Variants in TTBK2 observed in about 807,000 individuals in gnomAD.
The protein encoded by TTBK2 is tau-tubulin kinase 2.
TTBK2 carries 28 observed loss-of-function variants against 110.8 expected under a neutral mutation model. The ratio of observed to expected loss-of-function variants is 0.25; its 90% CI spans 0.19 to 0.35. TTBK2 has a LOEUF of 0.35. Ranked by LOEUF, TTBK2 falls within the 10% of genes least tolerant of loss-of-function variation. The probability of loss-of-function intolerance (pLI) is 1.00; values close to 1 mark genes in which losing one functional copy is unlikely to be tolerated. For missense variants in TTBK2, 1,369 were observed against 1,500.3 expected (o/e 0.91, Z 1.45); for synonymous variants, 532 against 527.3 (o/e 1.01, Z -0.12).
intron 12 of TTBK2, 135 bp from the exon 13 acceptor site, chr15:42,775,858 C>A: frequency 1.5e-6 from 1 of 686,554 alleles, no homozygotes. Context: ...GAAAGTTTCA[C>A]AGCATTGATA....
chr15:42,761,950 TTCTC>T (rs947001519), intron 13 of TTBK2, among the ~76,000 whole-genome samples: 6 of 152,192 alleles, frequency 3.9e-5, no homozygotes, highest in African/African-American at 1.4e-4. Flanking sequence ...GGGCAGGTCT[TTCTC>T]ATGCTGTTCT....
intron 13 of TTBK2, among the ~76,000 whole-genome samples, chr15:42,759,723 C>T (rs1003745650): frequency 6.6e-6 from 1 of 152,154 alleles, no homozygotes; most frequent in African/African-American, 2.4e-5. Flanking sequence ...AGCATCAAAG[C>T]AAAGGCACCA....
intron 11 of TTBK2, among the ~76,000 whole-genome samples, chr15:42,779,586 C>T (rs931030875): frequency 1.3e-5 from 2 of 152,026 alleles, no homozygotes; most frequent in African/African-American, 2.4e-5. Context: ...GAAATATTTC[C>T]GGAAGAAAGA....
intron 3 of TTBK2, among the ~76,000 whole-genome samples, chr15:42,871,008 A>G (rs1894594703): frequency 6.6e-6 from 1 of 152,174 alleles, no homozygotes; most frequent in South Asian, 2.1e-4. Context: ...AGAAGTCATT[A>G]GGCCAACATG....
chr15:42,843,301 C>T (rs754564670), intron 3 of TTBK2, among the ~76,000 whole-genome samples: 6 of 152,180 alleles, frequency 3.9e-5, no homozygotes, highest in South Asian at 2.1e-4. Context: ...CACTCTCTGG[C>T]GACAGAAACT....
rs562644902 is a variant in TTBK2, at chr15:42,746,202, G to A, written c.3328C>T (p.Arg1110Cys). ...CCATTTTGAAGAATTTGGGCCAGGCGGGAGAAAAGGTCTGAGTCGGAGTTA... is the reference window on the plus strand; with the variant it reads ...CCATTTTGAAGAATTTGGGCCAGGCAGGAGAAAAGGTCTGAGTCGGAGTTA... Reference protein sequence around the residue: ...SSNSDSDLFSRLAQILQNGSQ... With the variant: ...SSNSDSDLFSCLAQILQNGSQ... Residue 1110 changes from arginine to cysteine, a missense_variant, in exon 15 of 15, where the codon CGC (arginine) becomes TGC (cysteine). Around this residue, in one of 4 missense-constraint regions of TTBK2, gnomAD observed 1,097 missense variants for 1,114.7 expected, o/e 0.98. Transcript: ENST00000267890. The A allele has an allele frequency of 3.9e-5, 63 of 1,614,056 alleles. 1 individual carries two copies. The South Asian group carries it at 6.0e-4, about 15-fold the overall frequency.
chr15:42,815,786 G>C (rs1407956190), intron 7 of TTBK2, among the ~76,000 whole-genome samples: 1 of 147,582 alleles, frequency 6.8e-6, no homozygotes, highest in African/African-American at 2.5e-5. Flanking sequence ...ATTAGGTATT[G>C]ATAGTATTAT....
chr15:42,761,646 A>G (rs2062028861), intron 13 of TTBK2, among the ~76,000 whole-genome samples: 1 of 152,172 alleles, frequency 6.6e-6, no homozygotes, highest in Non-Finnish European at 1.5e-5. Flanking sequence ...CTACACAGAC[A>G]TTTCTCAAAA....
intron 11 of TTBK2, among the ~76,000 whole-genome samples, chr15:42,779,095 A>G (rs1335026993): frequency 6.6e-6 from 1 of 152,242 alleles, no homozygotes; most frequent in Non-Finnish European, 1.5e-5. Context: ...AAGCCAGAGG[A>G]AAAATAACTA....
intron 13 of TTBK2, among the ~76,000 whole-genome samples, chr15:42,771,506 G>A (rs1269766353): frequency 6.6e-6 from 1 of 152,098 alleles, no homozygotes; most frequent in East Asian, 1.9e-4. Context: ...TATCCCTGAA[G>A]TATAGCGTAA....
intron 1 of TTBK2, among the ~76,000 whole-genome samples, chr15:42,895,518 T>C (rs1596033804): frequency 6.6e-6 from 1 of 151,400 alleles, no homozygotes; most frequent in Admixed American, 6.6e-5. Context: ...AGAAAAAAAA[T>C]AGAATGTATA....
intron 12 of TTBK2, 136 bp downstream of exon 12, chr15:42,776,893 ACT>A: frequency 1.3e-6 from 1 of 795,562 alleles, no homozygotes; most frequent in South Asian, 1.7e-5. Flanking sequence ...AGCTGAATAG[ACT>A]CAGTGTTACA....
chr15:42,900,754 T>C (rs1286167998), intron 1 of TTBK2, among the ~76,000 whole-genome samples: 1 of 152,166 alleles, frequency 6.6e-6, no homozygotes, highest in East Asian at 1.9e-4. Flanking sequence ...TATTTCTATG[T>C]AGTATGGTTA....
chr15:42,903,955 T>C (rs2030221647), intron 1 of TTBK2, among the ~76,000 whole-genome samples: 1 of 152,182 alleles, frequency 6.6e-6, no homozygotes, highest in Non-Finnish European at 1.5e-5. Flanking sequence ...TGCTAGAATA[T>C]TACATGATTC....
At chr15:42,895,233 A>T (rs1257543086) in intron 1 of TTBK2, among the ~76,000 whole-genome samples, 2 of 152,238 alleles carry the variant, frequency 1.3e-5, no homozygotes, top group African/African-American at 2.4e-5. Flanking sequence ...GTTGGAGGAA[A>T]CACACTACAT....
intron 13 of TTBK2, among the ~76,000 whole-genome samples, chr15:42,754,737 G>A (rs562740355): frequency 1.1e-4 from 16 of 143,340 alleles, no homozygotes; most frequent in African/African-American, 3.5e-4. Flanking sequence ...GGCTGGGTGC[G>A]GTGGCTCACG....
intron 9 of TTBK2, among the ~76,000 whole-genome samples, chr15:42,805,628 T>C (rs1000395272): frequency 1.3e-5 from 2 of 152,164 alleles, no homozygotes; most frequent in Non-Finnish European, 2.9e-5. Flanking sequence ...TCCATCTCTA[T>C]TACTTCTCTC....
chr15:42,803,324 T>C (rs1891305064), intron 9 of TTBK2, among the ~76,000 whole-genome samples: 1 of 152,158 alleles, frequency 6.6e-6, no homozygotes, highest in Non-Finnish European at 1.5e-5. Flanking sequence ...TATCTAAATA[T>C]AGAAAAGGTA....
At chr15:42,810,800 C>T in intron 8 of TTBK2, 61 bp from the exon 9 acceptor site, 1 of 1,594,776 alleles carries the variant, frequency 6.3e-7, no homozygotes, top group East Asian at 2.2e-5. Flanking sequence ...GCATTAAGAG[C>T]CCCTCAGTAA....
Sources: allele counts gnomAD v4.1 joint callset (sites outside exome capture counted in the v4.1 genomes callset), GRCh38; gene constraint gnomAD v4.1.1; regional missense constraint gnomAD v4.1.1; transcripts MANE v1.5; gene names NCBI Gene and HGNC (gene_info 2026-07-23, HGNC 2026-07-21).